ARMH3: variants seen among roughly 807,000 people sequenced by gnomAD.
ARMH3 encodes the protein armadillo like helical domain containing 3.
In ARMH3, 60 loss-of-function variants were observed where a neutral mutation model predicts 99.1. That is an observed-to-expected ratio of 0.61 (90% confidence interval 0.49 to 0.75). ARMH3 has a LOEUF of 0.75. Ranked by LOEUF, ARMH3 falls within the 30% of genes least tolerant of loss-of-function variation. The pLI is 0.00. For missense variants in ARMH3, 679 were observed against 843.1 expected (o/e 0.81, Z 2.41); for synonymous variants, 285 against 292.8 (o/e 0.97, Z 0.27).
At chr10:101,955,614 T>C (rs1564790901) in intron 22 of ARMH3, among the ~76,000 whole-genome samples, 1 of 152,202 alleles carries the variant, frequency 6.6e-6, no homozygotes, top group Admixed American at 6.5e-5. Flanking sequence ...TCCTCTCCAG[T>C]TTCCTCATGA....
intron 23 of ARMH3, among the ~76,000 whole-genome samples, chr10:101,897,817 C>T (rs1187832925): frequency 1.3e-5 from 2 of 152,218 alleles, no homozygotes; most frequent in East Asian, 3.8e-4. Flanking sequence ...TCCAATGCAA[C>T]TGTCAACTTC....
chr10:101,957,793 T>C, intron 20 of ARMH3, 61 bp from the exon 21 acceptor site: 2 of 1,492,998 alleles, frequency 1.3e-6, no homozygotes, highest in Non-Finnish European at 1.8e-6. Context: ...TAAAGTTAAA[T>C]AAAAACAGAC....
intron 2 of ARMH3, among the ~76,000 whole-genome samples, chr10:102,038,300 T>C (rs2067326656): frequency 6.6e-6 from 1 of 151,936 alleles, no homozygotes; most frequent in African/African-American, 2.4e-5. Context: ...TTCGCCATGT[T>C]AGCCAGGAAG....
chr10:101,933,163 G>C (rs1254870963), intron 23 of ARMH3, among the ~76,000 whole-genome samples: 1 of 152,112 alleles, frequency 6.6e-6, no homozygotes, highest in African/African-American at 2.4e-5. Context: ...TCCAGCCTGG[G>C]CGACAGAGCA....
intron 22 of ARMH3, among the ~76,000 whole-genome samples, chr10:101,954,989 C>T (rs1020519282): frequency 1.3e-5 from 2 of 152,146 alleles, no homozygotes; most frequent in Admixed American, 1.3e-4. Context: ...TTCCTTTTCT[C>T]GTTGAAAAGC....
At chr10:101,862,186 AATGT>A (rs1430577651) in intron 24 of ARMH3, among the ~76,000 whole-genome samples, 1 of 152,212 alleles carries the variant, frequency 6.6e-6, no homozygotes, top group African/African-American at 2.4e-5. Flanking sequence ...ACAAATTTAA[AATGT>A]ATGACAACAA....
intron 22 of ARMH3, among the ~76,000 whole-genome samples, chr10:101,947,748 C>T (rs1170042118): frequency 2.0e-5 from 3 of 151,172 alleles, no homozygotes; most frequent in Non-Finnish European, 2.9e-5. Flanking sequence ...TGCAGTGAGC[C>T]GAGATCATGC....
chr10:101,990,329 G>A (rs560829284), intron 19 of ARMH3, among the ~76,000 whole-genome samples: 2 of 152,042 alleles, frequency 1.3e-5, no homozygotes, highest in African/African-American at 2.4e-5. Context: ...GACTACAGGC[G>A]CCCACCACTG....
chr10:101,912,478 A>G (rs1444083150), intron 23 of ARMH3, among the ~76,000 whole-genome samples: 1 of 152,092 alleles, frequency 6.6e-6, no homozygotes, highest in Non-Finnish European at 1.5e-5. Flanking sequence ...TAAAAAAGAG[A>G]AAAATTTCAT....
chr10:101,991,882 C>A, intron 18 of ARMH3, 87 bp downstream of exon 18: 1 of 1,189,960 alleles, frequency 8.4e-7, no homozygotes, highest in East Asian at 2.4e-5. Flanking sequence ...GCGGAAGAAG[C>A]ACATCAAACA....
intron 9 of ARMH3, 34 bp downstream of exon 9, chr10:102,013,934 A>G (rs775739528): frequency 1.4e-5 from 22 of 1,537,870 alleles, no homozygotes; most frequent in Non-Finnish European, 2.0e-5. Context: ...GAATGCAAAT[A>G]AGTAAGACAA....
Position 101,917,161 on chromosome 10 carries a change from T to C in ARMH3, c.1781+22702A>G, listed in dbSNP as rs575270033. Among the ~76,000 whole-genome samples the C allele has an allele frequency of 2.0e-5, 3 of 152,328 alleles. 1 individual carries two copies. The South Asian group carries it at 6.2e-4, about 32-fold the overall frequency. ...ATACAAGTATACAGTTCTGCAAGTT[T>C]TGAAAAATGCATACATCCAGATAAT... On this transcript the variant is annotated intron_variant, in intron 23 of 25. Transcript: ENST00000370033.
chr10:101,935,851 A>G (rs1709270112), intron 23 of ARMH3, among the ~76,000 whole-genome samples: 1 of 152,266 alleles, frequency 6.6e-6, no homozygotes, highest in African/African-American at 2.4e-5. Context: ...CTAAGTGTTT[A>G]TATCTCTATC....
intron 23 of ARMH3, among the ~76,000 whole-genome samples, chr10:101,899,274 G>C (rs1215417663): frequency 6.6e-6 from 1 of 152,106 alleles, no homozygotes; most frequent in Admixed American, 6.6e-5. Flanking sequence ...ATATACTACA[G>C]AGTATGTTCT....
chr10:101,966,152 G>C (rs1845528729), intron 20 of ARMH3, among the ~76,000 whole-genome samples: 1 of 147,310 alleles, frequency 6.8e-6, no homozygotes, highest in Admixed American at 6.8e-5. Context: ...ACCCAGGCTG[G>C]AGTGGTGCAG....
At chr10:102,045,227 T>C (rs1303938859) in intron 1 of ARMH3, among the ~76,000 whole-genome samples, 4 of 151,396 alleles carry the variant, frequency 2.6e-5, no homozygotes, top group Admixed American at 1.3e-4. Context: ...ATTCGACAAA[T>C]TTTTTTTGAG....
At chr10:101,925,957 A>C (rs1233996399) in intron 23 of ARMH3, among the ~76,000 whole-genome samples, 1 of 152,172 alleles carries the variant, frequency 6.6e-6, no homozygotes, top group African/African-American at 2.4e-5. Flanking sequence ...TCTGGAACCT[A>C]AAGTATTAAG....
At chr10:101,912,634 C>T (rs1272280101) in intron 23 of ARMH3, among the ~76,000 whole-genome samples, 1 of 152,130 alleles carries the variant, frequency 6.6e-6, no homozygotes, top group Non-Finnish European at 1.5e-5. Context: ...TTACATCTTC[C>T]TTTACAATTT....
At chr10:101,854,515 GA>G (rs2066685847) in intron 24 of ARMH3, among the ~76,000 whole-genome samples, 1 of 152,114 alleles carries the variant, frequency 6.6e-6, no homozygotes, top group African/African-American at 2.4e-5. Context: ...GGAAGACAAG[GA>G]ATACACAAAT....
Sources: gnomAD v4.1 joint callset for allele counts (sites outside exome capture counted in the v4.1 genomes callset) on GRCh38, gnomAD v4.1.1 for gene constraint, MANE v1.5 for transcripts, NCBI Gene and HGNC (gene_info 2026-07-23, HGNC 2026-07-21) for gene names.